The following RBFOX1 variants were observed in gnomAD, a reference collection of about 807,000 sequenced individuals.
RBFOX1 encodes RNA binding fox-1 homolog 1.
In RBFOX1, 8 loss-of-function variants were observed where a neutral mutation model predicts 57.7. The ratio of observed to expected loss-of-function variants is 0.14; its 90% CI spans 0.08 to 0.25. RBFOX1 has a LOEUF of 0.25. RBFOX1 is among the 10% of genes least tolerant of loss of function. The probability of loss-of-function intolerance (pLI) is 1.00; values close to 1 mark genes in which losing one functional copy is unlikely to be tolerated. For synonymous variants in RBFOX1, 326 were observed against 222.4 expected, an observed-to-expected ratio of 1.47 and a Z score of -4.15; for missense variants, 611 against 548.5, an observed-to-expected ratio of 1.11 and a Z score of -1.14.
chr16:6,303,485 C>G (rs1373571165), intron 1 of RBFOX1, among the ~76,000 whole-genome samples: 1 of 152,042 alleles, frequency 6.6e-6, no homozygotes, highest in Admixed American at 6.6e-5. Context: ...ATAAAGTGTT[C>G]TCAGTGGTGT....
At chr16:7,166,011 A>C (rs1488117105) in intron 4 of RBFOX1, among the ~76,000 whole-genome samples, 5 of 150,696 alleles carry the variant, frequency 3.3e-5, no homozygotes, top group African/African-American at 9.8e-5. Context: ...TGCATAGTCT[A>C]TTTTTGTTGT....
intron 4 of RBFOX1, among the ~76,000 whole-genome samples, chr16:7,135,014 A>G (rs2071532823): frequency 6.6e-6 from 1 of 152,106 alleles, no homozygotes; most frequent in African/African-American, 2.4e-5. Flanking sequence ...CACACTGACA[A>G]TACAGAGATA....
chr16:5,750,828 C>G (rs1023344409), intron 3 of RBFOX1, among the ~76,000 whole-genome samples: 3 of 152,232 alleles, frequency 2.0e-5, no homozygotes, highest in Non-Finnish European at 4.4e-5. Context: ...TAGTCGATGC[C>G]TCGCCCTGCT....
intron 4 of RBFOX1, among the ~76,000 whole-genome samples, chr16:5,896,414 TA>T (rs906443671): frequency 2.0e-5 from 3 of 152,020 alleles, no homozygotes; most frequent in African/African-American, 2.4e-5. Context: ...AACTGATTGC[TA>T]AAAAAACCTG....
intron 2 of RBFOX1, among the ~76,000 whole-genome samples, chr16:6,351,672 C>A (rs186528904): frequency 2.2e-4 from 33 of 151,858 alleles, no homozygotes; most frequent in African/African-American, 7.0e-4. Context: ...CCGCTCCCGG[C>A]CTAAGGGAAT....
chr16:7,103,177 C>G (rs745456086), intron 4 of RBFOX1, among the ~76,000 whole-genome samples: 9 of 152,004 alleles, frequency 5.9e-5, no homozygotes, highest in Non-Finnish European at 1.0e-4. Flanking sequence ...TTGCACATTT[C>G]TTTCCAAGTT....
intron 3 of RBFOX1, among the ~76,000 whole-genome samples, chr16:6,964,734 T>G (rs2083736207): frequency 1.3e-5 from 2 of 152,222 alleles, no homozygotes; most frequent in Non-Finnish European, 2.9e-5. Context: ...CCGGAAGCAC[T>G]TGTCCCTGCA....
At chr16:7,006,602 A>G (rs2093315857) in intron 3 of RBFOX1, among the ~76,000 whole-genome samples, 1 of 151,978 alleles carries the variant, frequency 6.6e-6, no homozygotes, top group Non-Finnish European at 1.5e-5. Flanking sequence ...GTTGGGAACC[A>G]CCACACCTGG....
intron 14 of RBFOX1, 108 bp downstream of exon 14, chr16:7,676,946 G>T: frequency 5.3e-6 from 6 of 1,139,478 alleles, no homozygotes; most frequent in Non-Finnish European, 7.8e-6. Context: ...GCTGGGGGAG[G>T]TAGCACCCCA....
chr16:6,256,259 G>A (rs1257721172), intron 1 of RBFOX1, among the ~76,000 whole-genome samples: 20 of 96,194 alleles, frequency 2.1e-4, no homozygotes, highest in African/African-American at 5.1e-4. Flanking sequence ...ATATATATGT[G>A]TATATATATA....
intron 2 of RBFOX1, among the ~76,000 whole-genome samples, chr16:6,333,676 T>C (rs2083306124): frequency 6.6e-6 from 1 of 152,208 alleles, no homozygotes; most frequent in Non-Finnish European, 1.5e-5. Flanking sequence ...TGGATGGACT[T>C]AAGTTTAGAA....
At chr16:5,506,065 A>G (rs2043367158) in intron 2 of RBFOX1, among the ~76,000 whole-genome samples, 2 of 152,172 alleles carry the variant, frequency 1.3e-5, no homozygotes, top group Admixed American at 1.3e-4. Flanking sequence ...AAACCTCACC[A>G]GAAATGAGGA....
At chr16:6,390,697 G>C (rs941561248) in intron 2 of RBFOX1, among the ~76,000 whole-genome samples, 4 of 152,174 alleles carry the variant, frequency 2.6e-5, no homozygotes, top group Non-Finnish European at 5.9e-5. Flanking sequence ...CTTTTACAAA[G>C]AGACTACCCT....
chr16:6,489,047 T>C (rs2153124070), intron 2 of RBFOX1, among the ~76,000 whole-genome samples: 1 of 152,346 alleles, frequency 6.6e-6, no homozygotes, highest in African/African-American at 2.4e-5. Context: ...TTGTTACAGC[T>C]GCTTCCTTGG....
At chr16:6,055,197 T>TA (rs2095600131) in intron 1 of RBFOX1, among the ~76,000 whole-genome samples, 1 of 152,116 alleles carries the variant, frequency 6.6e-6, no homozygotes, top group Admixed American at 6.5e-5. Context: ...ACGGAATTAT[T>TA]AAAAAGCACT....
chr16:7,232,648 C>G (rs1309278626), intron 4 of RBFOX1, among the ~76,000 whole-genome samples: 1 of 152,010 alleles, frequency 6.6e-6, no homozygotes. Flanking sequence ...TCGAGAACAG[C>G]CTGACCAACA....
intron 2 of RBFOX1, among the ~76,000 whole-genome samples, chr16:6,334,768 A>G (rs1489079550): frequency 2.6e-5 from 4 of 152,150 alleles, no homozygotes; most frequent in Admixed American, 2.6e-4. Flanking sequence ...GCTGAGATTG[A>G]TTAGCAATGT....
chr16:6,977,247 C>T (rs1199509789), intron 3 of RBFOX1, among the ~76,000 whole-genome samples: 4 of 149,386 alleles, frequency 2.7e-5, no homozygotes, highest in Non-Finnish European at 5.9e-5. Context: ...TTAAAAAGAT[C>T]TTGGGCAGAT....
intron 1 of RBFOX1, chr16:5,240,129 C>T (rs1567224541): frequency 1.0e-5 from 14 of 1,381,106 alleles, no homozygotes; most frequent in African/African-American, 1.4e-5. Flanking sequence ...GCGCGGGGGT[C>T]CGGGGGTGCC....
Sources: gnomAD v4.1 joint callset for allele counts (sites outside exome capture counted in the v4.1 genomes callset) on GRCh38, gnomAD v4.1.1 for gene constraint, MANE v1.5 for transcripts, NCBI Gene and HGNC (gene_info 2026-07-23, HGNC 2026-07-21) for gene names.